TUFT1: variants seen among roughly 807,000 people sequenced by gnomAD.
TUFT1 encodes the protein tuftelin 1.
Under a neutral mutation model 57.8 loss-of-function variants are expected in TUFT1, and 43 were observed. That is an observed-to-expected ratio of 0.74 (90% CI 0.58 to 0.96). The LOEUF (loss-of-function observed/expected upper bound fraction) is 0.96. Among genes scored for constraint, TUFT1 ranks in the 40% least tolerant of loss-of-function variants. The pLI is 0.00. For synonymous variants in TUFT1, 166 were observed against 176.7 expected, an observed-to-expected ratio of 0.94 and a Z score of 0.48; for missense variants, 459 against 489.0, an observed-to-expected ratio of 0.94 and a Z score of 0.58.
chr1:151,554,699 T>TCC (rs1665621939), intron 1 of TUFT1, among the ~76,000 whole-genome samples: 2 of 125,950 alleles, frequency 1.6e-5, no homozygotes, highest in East Asian at 4.6e-4. Context: ...GGCCCCCTTT[T>TCC]TTTTTTTTTT....
At chr1:151,576,157 A>G (rs1000111679) in intron 9 of TUFT1, among the ~76,000 whole-genome samples, 2 of 152,092 alleles carry the variant, frequency 1.3e-5, no homozygotes, top group African/African-American at 2.4e-5. Context: ...GAATGCTTGG[A>G]GTTTAGGAAG....
At chr1:151,564,430 C>T (rs1299350907) in intron 4 of TUFT1, 95 bp from the exon 5 acceptor site, 18 of 877,536 alleles carry the variant, frequency 2.1e-5, no homozygotes, top group Middle Eastern at 2.3e-4. Context: ...GTGCCTGACT[C>T]GCAGTACAGG....
chr1:151,540,400 G>A lies in TUFT1; in HGVS notation c.34G>A (p.Asp12Asn), dbSNP rs1205080082. The change falls in exon 1 of 13, where the codon GAC becomes AAC. Residue 12 changes from aspartate to asparagine, a missense_variant. By Grantham distance (23) the Asp-to-Asn change is conservative. Coordinates refer to ENST00000368849, the MANE Select transcript of TUFT1 (RefSeq NM_020127.3). ...NGTRNWCTLV[D>N]VHPEDQAAGS... ...GACGCGGAACTGGTGTACCCTGGTGGACGTGCACCCAGAGGACCAGGCGGC... is the reference window on the plus strand; with the variant it reads ...GACGCGGAACTGGTGTACCCTGGTGAACGTGCACCCAGAGGACCAGGCGGC... 2 of 1,614,208 alleles carry A rather than the reference G, an allele frequency of 1.2e-6. No homozygotes were observed. Among genetic ancestry groups the A allele is most frequent in the South Asian group, 1.1e-5 (1 of 91,090 alleles).
intron 12 of TUFT1, among the ~76,000 whole-genome samples, 182 bp from the exon 13 acceptor site, chr1:151,581,462 C>G (rs1218970823): frequency 3.9e-5 from 6 of 152,136 alleles, no homozygotes; most frequent in African/African-American, 7.2e-5. Context: ...GTATCATGCC[C>G]CAAATCTTCC....
At chr1:151,540,562 C>A in intron 1 of TUFT1, 136 bp downstream of exon 1, 1 of 963,662 alleles carries the variant, frequency 1.0e-6, no homozygotes, top group Non-Finnish European at 1.6e-6. Flanking sequence ...CGGCGCTTCT[C>A]TCTTTTTATT....
chr1:151,578,830 A>G lies in TUFT1; in HGVS notation c.924+4A>G. 1 of 1,557,318 alleles carries G rather than the reference A, an allele frequency of 6.4e-7. No individual in the cohort carries two copies. Among genetic ancestry groups the G allele is most frequent in the Non-Finnish European group, 8.7e-7 (1 of 1,149,282 alleles). ...AGTCCGGCAAATGATAGAGCAGGTA[A>G]GTTGGGCTGGTTTGTAACCTGCCCT... On this transcript the variant is annotated splice_donor_region_variant and intron_variant, in intron 10 of 12. Transcript: ENST00000368849.
At chr1:151,558,974 G>A (rs1665798981) in intron 1 of TUFT1, among the ~76,000 whole-genome samples, 1 of 151,854 alleles carries the variant, frequency 6.6e-6, no homozygotes, top group African/African-American at 2.4e-5. Flanking sequence ...CAGTAGAGAC[G>A]GGGTTTCACC....
At position 151,579,684 on chromosome 1, in the gene TUFT1, C is replaced by T. The variant is rs746150897; in HGVS notation, c.960C>T (p.Asp320=). Residue 320 remains aspartate, a synonymous_variant, in exon 11 of 13, where the codon GAC becomes GAT. Transcript: ENST00000368849. ...QNSKAVIQSK[D]ATIQELKEKI... ...CAAAAGCTGTGATCCAGTCAAAGGA[C>T]GCCACCATCCAGGAGCTCAAGGAGA... 1.4e-5 allele frequency: 23 copies of T among 1,613,984 alleles called. No homozygotes were observed. The highest frequency in any genetic ancestry group is 4.5e-5 in the East Asian group (2 of 44,874).
At position 151,562,073 on chromosome 1, in the gene TUFT1, T is replaced by A; in HGVS notation, c.61-18T>A. 6.2e-7 allele frequency: 1 copy of A among 1,613,112 alleles called. No homozygotes were observed. Among genetic ancestry groups the A allele is most frequent in the Non-Finnish European group, 8.5e-7 (1 of 1,179,096 alleles). ...TGTAAAGTTGAGGGGTTATTGTTGC[T>A]GTCATTGTCATTATTAGGGCAGCGT... On this transcript the variant is annotated intron_variant, in intron 1 of 12. Coordinates refer to ENST00000368849, the MANE Select transcript of TUFT1 (RefSeq NM_020127.3).
intron 1 of TUFT1, among the ~76,000 whole-genome samples, chr1:151,552,633 G>A (rs1461912901): frequency 6.7e-6 from 1 of 148,954 alleles, no homozygotes; most frequent in Non-Finnish European, 1.5e-5. Flanking sequence ...GAGCCCGGGA[G>A]GTGGAGGTTG....
At chr1:151,563,804 G>A (rs1212077282) in intron 3 of TUFT1, 100 bp from the exon 4 acceptor site, 2 of 954,362 alleles carry the variant, frequency 2.1e-6, no homozygotes, top group Non-Finnish European at 3.3e-6. Context: ...GTAAATTGGT[G>A]GTAACAATTT....
In TUFT1 at chr1:151,559,245, A is replaced by G. The variant is rs556333313; in HGVS notation, c.61-2846A>G. ...GTGCATTCAGAAAATACCTTTGCTA[A>G]GGGCTGTGGCATACAACAGCTCTTG... On this transcript the variant is annotated intron_variant, in intron 1 of 12. Transcript: ENST00000368849. 2.6e-5 allele frequency among the ~76,000 whole-genome samples: 4 copies of G among 152,324 alleles called. No homozygotes were observed. In the South Asian group the frequency reaches 8.3e-4, roughly 32 times the overall value.
chr1:151,548,969 C>T (rs746732763), intron 1 of TUFT1, among the ~76,000 whole-genome samples: 1 of 152,114 alleles, frequency 6.6e-6, no homozygotes, highest in African/African-American at 2.4e-5. Flanking sequence ...TCTGCTGTGG[C>T]GTCTTGATCT....
At position 151,567,953 on chromosome 1, in the gene TUFT1, G is replaced by T. The variant is rs945157149; in HGVS notation, c.481-1704G>T. On this transcript the variant is annotated intron_variant, in intron 6 of 12. Transcript: ENST00000368849. ...GGAAAATTCAGAAACACAGGAAAGT[G>T]AAAGAAGAAACAAATATCACTTGTA... Among the ~76,000 whole-genome samples, 5 of 152,202 alleles carry T rather than the reference G, an allele frequency of 3.3e-5. 1 individual carries two copies. Among genetic ancestry groups the T allele is most frequent in the African/African-American group, 1.2e-4 (5 of 41,444 alleles).
rs1396464670 is a variant in TUFT1, at chr1:151,558,223, G to A, written c.61-3868G>A. 2.6e-5 allele frequency among the ~76,000 whole-genome samples: 4 copies of A among 151,826 alleles called. No homozygotes were observed. The South Asian group carries it at 8.3e-4, about 31-fold the overall frequency. ...CTTGATTTCCCCCTCATTTCTGAAG[G>A]ATATTTTCCTTTGTTACAGGATATT... On this transcript the variant is annotated intron_variant, in intron 1 of 12. Coordinates refer to ENST00000368849, the MANE Select transcript of TUFT1 (RefSeq NM_020127.3).
At chr1:151,565,981 C>A in intron 5 of TUFT1, 182 bp from the exon 6 acceptor site, 1 of 487,956 alleles carries the variant, frequency 2.0e-6, no homozygotes, top group Non-Finnish European at 3.7e-6. Flanking sequence ...TTCCTCTTCT[C>A]CTTTCTTCAT....
intron 3 of TUFT1, 94 bp from the exon 4 acceptor site, chr1:151,563,810 A>C: frequency 9.6e-7 from 1 of 1,045,918 alleles, no homozygotes; most frequent in Non-Finnish European, 1.5e-6. Flanking sequence ...TGGTGGTAAC[A>C]ATTTACCCTC....
intron 5 of TUFT1, 86 bp from the exon 6 acceptor site, chr1:151,566,077 C>G: frequency 3.4e-6 from 2 of 594,140 alleles, no homozygotes; most frequent in South Asian, 3.3e-5. Flanking sequence ...CCTTCTCTTT[C>G]TAAGATTTGA....
At position 151,578,737 on chromosome 1, in the gene TUFT1, A is replaced by T; in HGVS notation, c.835A>T (p.Lys279Ter). ...AEREKAATLE[K>*]EVAGLREKIH... ...TATCCCCAGGGCTGCTACCCTGGAA[A>T]AGGAAGTGGCCGGGTTGCGGGAGAA... The change falls in exon 10 of 13, where the codon AAG (lysine) becomes TAG (stop). Residue 279 changes from lysine to a stop codon, truncating the protein, a stop_gained. Coordinates refer to ENST00000368849, the MANE Select transcript of TUFT1 (RefSeq NM_020127.3). LOFTEE classifies it high-confidence loss of function. 1.3e-6 allele frequency: 2 copies of T among 1,574,082 alleles called. No individual in the cohort carries two copies. Among genetic ancestry groups the T allele is most frequent in the Middle Eastern group, 1.7e-4 (1 of 5,796 alleles).
Sources: gnomAD v4.1 joint callset for allele counts (sites outside exome capture counted in the v4.1 genomes callset) on GRCh38, gnomAD v4.1.1 for gene constraint, MANE v1.5 for transcripts, NCBI Gene and HGNC (gene_info 2026-07-23, HGNC 2026-07-21) for gene names.